CELSR1: variants seen among roughly 807,000 people sequenced by gnomAD.
CELSR1 encodes the protein adhesion G protein-coupled receptor C1.
CELSR1 carries 110 observed loss-of-function variants against 249.1 expected under a neutral mutation model. That is an observed-to-expected ratio of 0.44 (90% CI 0.38 to 0.52). The LOEUF (loss-of-function observed/expected upper bound fraction) is 0.52, where lower values mean the gene tolerates loss of function less well. CELSR1 is among the 20% of genes least tolerant of loss of function. CELSR1 has a pLI of 0.00. For missense variants in CELSR1, 4,109 were observed against 4,296.4 expected (o/e 0.96, Z 1.22); for synonymous variants, 2,113 against 1,900.0 (o/e 1.11, Z -2.92).
chr22:46,479,192 G>A (rs1310201123), intron 1 of CELSR1, among the ~76,000 whole-genome samples: 2 of 151,772 alleles, frequency 1.3e-5, no homozygotes, highest in East Asian at 1.9e-4. Flanking sequence ...GGACGCTCCC[G>A]GGGTTTTGCT....
At chr22:46,479,940 C>G (rs1404649418) in intron 1 of CELSR1, among the ~76,000 whole-genome samples, 1 of 152,150 alleles carries the variant, frequency 6.6e-6, no homozygotes, top group African/African-American at 2.4e-5. Flanking sequence ...AGGGGTTTGT[C>G]TCGACTGGAC....
chr22:46,420,433 C>T (rs947937698), intron 5 of CELSR1, among the ~76,000 whole-genome samples: 1 of 152,168 alleles, frequency 6.6e-6, no homozygotes, highest in South Asian at 2.1e-4. Flanking sequence ...CGTGCACACA[C>T]CCACACACAT....
chr22:46,436,148 TG>T lies in CELSR1; in HGVS notation c.4522+25del. ...AAAGTATCTGTGAATTGCTCAGAGC[TG>T]CCCTTCCTGGGGAGAAGGCCCCACC... is the stretch of plus-strand genomic sequence containing the variant. On this transcript the variant is annotated intron_variant, in intron 4 of 34. Coordinates refer to ENST00000674500, the MANE Select transcript of CELSR1 (RefSeq NM_001378328.1). The surrounding 1 kb of genome is among the most constrained non-coding windows in gnomAD (Gnocchi z 5.9). The T allele has an allele frequency of 6.4e-7, 1 of 1,573,886 alleles. No individual in the cohort carries two copies. Among genetic ancestry groups the T allele is most frequent in the Non-Finnish European group, 8.7e-7 (1 of 1,143,908 alleles).
chr22:46,388,801 G>A (rs73462591), intron 18 of CELSR1, among the ~76,000 whole-genome samples: 11,534 of 152,126 alleles, frequency 0.076, 1,439 homozygotes, highest in African/African-American at 0.26. Flanking sequence ...GGGTTGAGGC[G>A]GAGGTGTGGC....
chr22:46,394,910 C>T (rs1385779972), intron 13 of CELSR1, among the ~76,000 whole-genome samples: 3 of 152,176 alleles, frequency 2.0e-5, no homozygotes, highest in East Asian at 1.9e-4. Flanking sequence ...AGGTGCTGGC[C>T]GCTGCTGTGC....
chr22:46,491,790 C>T (rs1455435280), intron 1 of CELSR1, among the ~76,000 whole-genome samples: 2 of 151,650 alleles, frequency 1.3e-5, no homozygotes, highest in Non-Finnish European at 2.9e-5. Flanking sequence ...GCACACGCCA[C>T]CACGCCCGGC....
chr22:46,374,752 A>ACT lies in CELSR1; in HGVS notation c.7585-1697_7585-1696dup, dbSNP rs545770998. 7.2e-5 allele frequency among the ~76,000 whole-genome samples: 11 copies of ACT among 152,228 alleles called. No individual in the cohort carries two copies. The South Asian group carries it at 2.3e-3, about 31-fold the overall frequency. On this transcript the variant is annotated intron_variant, in intron 24 of 34. Transcript: ENST00000674500. The surrounding 1 kb of genome is among the most constrained non-coding windows in gnomAD (Gnocchi z 4.3). Reference sequence around the variant, plus strand: ...AGGGGTTTTGAGATGAAATCCGCACACTTCTCAGAGCCTTCCCAGACCAAT... The same window carrying ACT: ...AGGGGTTTTGAGATGAAATCCGCACACTCTTCTCAGAGCCTTCCCAGACCAAT...
At chr22:46,442,389 C>A (rs1378301398) in intron 2 of CELSR1, among the ~76,000 whole-genome samples, 3 of 152,220 alleles carry the variant, frequency 2.0e-5, no homozygotes, top group African/African-American at 7.2e-5. Context: ...CGCAGGCCAT[C>A]CCCGAGGGGC....
rs2080741858 is a variant in CELSR1, at chr22:46,526,686, T to C, written c.3544+6941A>G. 6.6e-6 allele frequency among the ~76,000 whole-genome samples: 1 copy of C among 152,064 alleles called. No homozygotes were observed. The highest frequency in any genetic ancestry group is 2.1e-4 in the South Asian group (1 of 4,818). ...CCCGTGGGCCCTCCCCTGCACGTGGTTATTCCTGCTCCAGCTCCCAAGCAG... is the reference window on the plus strand; with the variant it reads ...CCCGTGGGCCCTCCCCTGCACGTGGCTATTCCTGCTCCAGCTCCCAAGCAG... On this transcript the variant is annotated intron_variant, in intron 1 of 34. Coordinates refer to ENST00000674500, the MANE Select transcript of CELSR1 (RefSeq NM_001378328.1). The surrounding 1 kb of genome is among the most constrained non-coding windows in gnomAD (Gnocchi z 4.7).
In CELSR1 at chr22:46,476,953, C is replaced by A. The variant is rs1242402046; in HGVS notation, c.3545-12608G>T. 3.6e-4 allele frequency among the ~76,000 whole-genome samples: 55 copies of A among 151,826 alleles called. 1 individual carries two copies. Among genetic ancestry groups the A allele is most frequent in the Admixed American group, 3.6e-3 (55 of 15,244 alleles). ...GTTTCACCTCAATTTTTTTAAAAGG[C>A]AAAAAGAGTTAAGAATTGATTCTTA... is the stretch of plus-strand genomic sequence containing the variant. On this transcript the variant is annotated intron_variant, in intron 1 of 34. Coordinates refer to ENST00000674500, the MANE Select transcript of CELSR1 (RefSeq NM_001378328.1).
At chr22:46,466,168 T>C (rs541605890) in intron 1 of CELSR1, among the ~76,000 whole-genome samples, 2 of 151,376 alleles carry the variant, frequency 1.3e-5, no homozygotes, top group African/African-American at 4.9e-5. Context: ...GAAGAAGAGG[T>C]GGGGAAAACA....
Position 46,433,298 on chromosome 22 carries a change from G to A in CELSR1, c.4611+95C>T. The A allele has an allele frequency of 3.3e-6, 3 of 908,238 alleles. No individual in the cohort carries two copies. The highest frequency in any genetic ancestry group is 1.7e-5 in the African/African-American group (1 of 59,838). The allele number at this position is 908,238 out of a possible 1,614,324, so 56.3% of individuals were successfully genotyped here. A position where few individuals can be genotyped will look rare whatever the true frequency, so the allele number is the denominator to read the frequency against. On this transcript the variant is annotated intron_variant, in intron 5 of 34. Coordinates refer to ENST00000674500, the MANE Select transcript of CELSR1 (RefSeq NM_001378328.1). The surrounding 1 kb of genome is among the most constrained non-coding windows in gnomAD (Gnocchi z 5.7). ...AATCCACCTGCCTTGGCCTCTCAAAGTGCTGGGATTACAGGCGTGAGCCAC... is the reference window on the plus strand; with the variant it reads ...AATCCACCTGCCTTGGCCTCTCAAAATGCTGGGATTACAGGCGTGAGCCAC...
At chr22:46,482,045 TCACA>T (rs2080271713) in intron 1 of CELSR1, among the ~76,000 whole-genome samples, 1 of 152,216 alleles carries the variant, frequency 6.6e-6, no homozygotes, top group African/African-American at 2.4e-5. Flanking sequence ...AGTGCTGGGA[TCACA>T]GACATGAGCT....
Position 46,413,311 on chromosome 22 carries a change from T to C in CELSR1, c.4612-1552A>G, listed in dbSNP as rs560075952. ...ACAGGAGCTCAGCCAGATGGCCAAG[T>C]TGCATGACTTCTGGGGACCCTGGAC... On this transcript the variant is annotated intron_variant, in intron 5 of 34. Transcript: ENST00000674500. The surrounding 1 kb of genome is among the most constrained non-coding windows in gnomAD (Gnocchi z 4.7). 6.6e-5 allele frequency among the ~76,000 whole-genome samples: 10 copies of C among 152,276 alleles called. No homozygotes were observed. The highest frequency in any genetic ancestry group is 2.4e-4 in the African/African-American group (10 of 41,556).
intron 32 of CELSR1, among the ~76,000 whole-genome samples, 156 bp from the exon 33 acceptor site, chr22:46,364,892 C>T (rs1364784613): frequency 1.3e-5 from 2 of 152,204 alleles, no homozygotes; most frequent in East Asian, 3.8e-4. Flanking sequence ...CCCAGGAGGG[C>T]GAGTCCTGGC....
chr22:46,436,364 A>G lies in CELSR1; in HGVS notation c.4407-75T>C. 9.0e-7 allele frequency: 1 copy of G among 1,106,658 alleles called. No individual in the cohort carries two copies. The highest frequency in any genetic ancestry group is 1.4e-6 in the Non-Finnish European group (1 of 736,418). 68.6% of individuals were successfully genotyped at this position (1,106,658 alleles called of 1,614,324 possible). A position where few individuals can be genotyped will look rare whatever the true frequency, so the allele number is the denominator to read the frequency against. On this transcript the variant is annotated intron_variant, in intron 3 of 34. Coordinates refer to ENST00000674500, the MANE Select transcript of CELSR1 (RefSeq NM_001378328.1). This position sits in a 1 kb window ranked among gnomAD's most constrained non-coding sequence, Gnocchi z 5.9. ...AAGGCTGCCTAGGAATGACAAGTCC[A>G]GCCGGAGGAGGGCAAGCACGTGGGG... is the stretch of plus-strand genomic sequence containing the variant.
At position 46,444,082 on chromosome 22, in the gene CELSR1, G is replaced by A. The variant is rs116292152; in HGVS notation, c.4184-4671C>T. Among the ~76,000 whole-genome samples the A allele has an allele frequency of 5.3e-3, 802 of 152,326 alleles. 6 individuals carry two copies. The highest frequency in any genetic ancestry group is 0.018 in the African/African-American group (757 of 41,564). Reference sequence around the variant, plus strand: ...GTCCCAGGTAGTAAGAACCCAGGCTGGGCCCGGGGCTCAGACTCTCCCAGA... The same window carrying A: ...GTCCCAGGTAGTAAGAACCCAGGCTAGGCCCGGGGCTCAGACTCTCCCAGA... On this transcript the variant is annotated intron_variant, in intron 2 of 34. Transcript: ENST00000674500.
At chr22:46,486,168 T>G (rs1467280525) in intron 1 of CELSR1, among the ~76,000 whole-genome samples, 1 of 149,996 alleles carries the variant, frequency 6.7e-6, no homozygotes, top group South Asian at 2.2e-4. Context: ...CTCGATCTCC[T>G]GACCTCGTGA....
Position 46,526,237 on chromosome 22 carries a change from C to A in CELSR1, c.3544+7390G>T, listed in dbSNP as rs4823560. Reference sequence around the variant, plus strand: ...GGCAGAAGTTACTGTCCTGGCAAACCCGTCTACGAAGCTTGGCCACAGTAG... The same window carrying A: ...GGCAGAAGTTACTGTCCTGGCAAACACGTCTACGAAGCTTGGCCACAGTAG... On this transcript the variant is annotated intron_variant, in intron 1 of 34. Transcript: ENST00000674500. The surrounding 1 kb of genome is among the most constrained non-coding windows in gnomAD (Gnocchi z 4.7). 0.35 allele frequency among the ~76,000 whole-genome samples: 53,230 copies of A among 152,038 alleles called. 11,173 individuals carry two copies. The highest frequency in any genetic ancestry group is 0.71 in the East Asian group (3,641 of 5,156).
Sources: allele counts gnomAD v4.1 joint callset (sites outside exome capture counted in the v4.1 genomes callset), GRCh38; gene constraint gnomAD v4.1.1; non-coding constraint Gnocchi (gnomAD v3.1); transcripts MANE v1.5; gene names NCBI Gene and HGNC (gene_info 2026-07-23, HGNC 2026-07-21).